CNOT7: variants seen among roughly 807,000 people sequenced by gnomAD.
CNOT7 encodes the protein BTG1-binding factor 1.
In CNOT7, 4 loss-of-function variants were observed where a neutral mutation model predicts 37.1. The observed-to-expected ratio is 0.11, with a 90% CI of 0.05 to 0.25. The LOEUF is 0.25. Ranked by LOEUF, CNOT7 falls within the 10% of genes least tolerant of loss-of-function variation. The probability of loss-of-function intolerance (pLI) is 1.00; values close to 1 mark genes in which losing one functional copy is unlikely to be tolerated. For synonymous variants in CNOT7, 128 were observed against 115.6 expected (o/e 1.11, Z -0.69); for missense variants, 170 against 336.2 (o/e 0.51, Z 3.87).
At position 17,226,112 on chromosome 8, in the gene CNOT7, A is replaced by G. The variant is rs1320662801; in HGVS notation, c.*4608T>C. ...TGCAAGCTAAGACAAAATGAAGGAC[A>G]TTATTTAGGTACTCAAGGAAACTTT... On this transcript the variant is annotated 3_prime_UTR_variant, in exon 7 of 7. Coordinates refer to ENST00000361272, the MANE Select transcript of CNOT7 (RefSeq NM_013354.7). 1.4e-5 allele frequency: 2 copies of G among 142,378 alleles called. No individual in the cohort carries two copies. The highest frequency in any genetic ancestry group is 7.5e-5 in the Admixed American group (1 of 13,290). The allele number at this position is 142,378 out of a possible 1,614,324, so 8.8% of individuals were successfully genotyped here. A position where few individuals can be genotyped will look rare whatever the true frequency, so the allele number is the denominator to read the frequency against.
intron 4 of CNOT7, 71 bp downstream of exon 4, chr8:17,237,141 A>G: frequency 2.7e-6 from 4 of 1,461,596 alleles, no homozygotes; most frequent in Admixed American, 3.6e-5. Context: ...TTGCTAACAT[A>G]GTGACCCAAG....
chr8:17,242,902 C>G (rs972036569), intron 3 of CNOT7, 90 bp downstream of exon 3: 4 of 784,634 alleles, frequency 5.1e-6, no homozygotes, highest in Non-Finnish European at 7.8e-6. Flanking sequence ...CCAAATTCAC[C>G]TAGCATGTCA....
In CNOT7 at chr8:17,228,348, C is replaced by T. The variant is rs773313683; in HGVS notation, c.*2372G>A. The T allele has an allele frequency of 6.6e-6, 1 of 151,842 alleles. No homozygotes were observed. The highest frequency in any genetic ancestry group is 1.5e-5 in the Non-Finnish European group (1 of 67,810). The allele number at this position is 151,842 out of a possible 1,614,324, so 9.4% of individuals were successfully genotyped here. ...TAGACTTTACAAACATTGAGACTGT[C>T]TGGAACAAAATAAAAAAGTAAAACT... On this transcript the variant is annotated 3_prime_UTR_variant, in exon 7 of 7. Coordinates refer to ENST00000361272, the MANE Select transcript of CNOT7 (RefSeq NM_013354.7).
intron 6 of CNOT7, chr8:17,232,212 G>A (rs914432671): frequency 7.2e-7 from 1 of 1,380,464 alleles, no homozygotes; most frequent in African/African-American, 1.5e-5. Flanking sequence ...AAAATTGTTG[G>A]TTCTATGATG....
chr8:17,245,379 G>C (rs1385251260), intron 1 of CNOT7, 132 bp from the exon 2 acceptor site: 1 of 411,186 alleles, frequency 2.4e-6, no homozygotes, highest in Admixed American at 4.4e-5. Context: ...TCAAAGTTTA[G>C]AAAGTAACTT....
chr8:17,237,172 G>C lies in CNOT7; in HGVS notation c.473+40C>G, dbSNP rs761916289. On this transcript the variant is annotated intron_variant, in intron 4 of 6. Transcript: ENST00000361272. ...CCAAGTAAGTGTGGAGCAAGTATGA[G>C]ATGGAAAAACAAATGCCATTTTCAA... is the stretch of plus-strand genomic sequence containing the variant. The C allele has an allele frequency of 8.1e-6, 13 of 1,598,932 alleles. No homozygotes were observed. In the South Asian group the frequency reaches 1.2e-4, roughly 15 times the overall value.
chr8:17,230,243 A>C lies in CNOT7; in HGVS notation c.*477T>G, dbSNP rs1808448942. 1 of 152,546 alleles carries C rather than the reference A, an allele frequency of 6.6e-6. No individual in the cohort carries two copies. The highest frequency in any genetic ancestry group is 2.4e-5 in the African/African-American group (1 of 41,420). 9.4% of individuals were successfully genotyped at this position (152,546 alleles called of 1,614,324 possible). A position where few individuals can be genotyped will look rare whatever the true frequency, so the allele number is the denominator to read the frequency against. On this transcript the variant is annotated 3_prime_UTR_variant, in exon 7 of 7. Transcript: ENST00000361272. ...ATTTTTCCAGCTAAGATCAAGAAAAAACAAATTTTCTGATAAAACAGGTTT... is the reference window on the plus strand; with the variant it reads ...ATTTTTCCAGCTAAGATCAAGAAAACACAAATTTTCTGATAAAACAGGTTT...
intron 4 of CNOT7, among the ~76,000 whole-genome samples, 190 bp from the exon 5 acceptor site, chr8:17,235,050 T>G (rs2150979872): frequency 6.6e-6 from 1 of 152,224 alleles, no homozygotes; most frequent in Non-Finnish European, 1.5e-5. Context: ...CATCTTACAG[T>G]ATTAAGAACT....
intron 3 of CNOT7, chr8:17,237,586 A>G (rs1809549740): frequency 5.8e-6 from 3 of 520,556 alleles, no homozygotes; most frequent in Non-Finnish European, 1.0e-5. Context: ...AATCATTCAG[A>G]GAGTCCAAAG....
intron 3 of CNOT7, 158 bp from the exon 4 acceptor site, chr8:17,237,531 T>A (rs1809541625): frequency 3.4e-6 from 2 of 591,698 alleles, no homozygotes; most frequent in Non-Finnish European, 3.0e-6. Context: ...AAAAATGCAA[T>A]TTAAATACAA....
chr8:17,239,092 C>G (rs1008532754), intron 3 of CNOT7, among the ~76,000 whole-genome samples: 1 of 152,206 alleles, frequency 6.6e-6, no homozygotes, highest in Non-Finnish European at 1.5e-5. Context: ...CAGGGTCTGG[C>G]TGTCATCCAG....
chr8:17,240,429 A>C (rs1335280926), intron 3 of CNOT7, among the ~76,000 whole-genome samples: 1 of 151,920 alleles, frequency 6.6e-6, no homozygotes. Context: ...TTCTTCCTCT[A>C]GTGTGGCCCA....
rs1554472447 is a variant in CNOT7 at position 17,227,543 on chromosome 8, G to GAA, written c.*3176_*3177insTT. ...ACGATGTAATTCAGCATTAGTAAAT[G>GAA]GTTTTCTTTGCTTGGCTAACAAATA... On this transcript the variant is annotated 3_prime_UTR_variant, in exon 7 of 7. Coordinates refer to ENST00000361272, the MANE Select transcript of CNOT7 (RefSeq NM_013354.7). 6.6e-6 allele frequency: 1 copy of GAA among 151,838 alleles called. No homozygotes were observed. The highest frequency in any genetic ancestry group is 1.5e-5 in the Non-Finnish European group (1 of 67,798). 9.4% of individuals were successfully genotyped at this position (151,838 alleles called of 1,614,324 possible).
In CNOT7 at chr8:17,230,512, C is replaced by T; in HGVS notation, c.*208G>A. ...GCTAACAAGTATATTAAATTAAGGC[C>T]AAATTTAACCTGAATGCGTTTTTTT... On this transcript the variant is annotated 3_prime_UTR_variant, in exon 7 of 7. Coordinates refer to ENST00000361272, the MANE Select transcript of CNOT7 (RefSeq NM_013354.7). 2.9e-6 allele frequency: 1 copy of T among 343,452 alleles called. No homozygotes were observed. Among genetic ancestry groups the T allele is most frequent in the South Asian group, 1.3e-4 (1 of 7,534 alleles). 21.3% of individuals were successfully genotyped at this position (343,452 alleles called of 1,614,324 possible). A position where few individuals can be genotyped will look rare whatever the true frequency, so the allele number is the denominator to read the frequency against.
chr8:17,243,661 TAAAC>T, intron 2 of CNOT7: 1 of 456,386 alleles, frequency 2.2e-6, no homozygotes, highest in Non-Finnish European at 4.4e-6. Context: ...TTCTCTGGCT[TAAAC>T]AATATTCTCT....
intron 3 of CNOT7, chr8:17,237,608 A>G (rs1274645259): frequency 1.6e-5 from 7 of 441,814 alleles, no homozygotes; most frequent in Admixed American, 1.4e-4. Context: ...TGCAATTTTA[A>G]TCTTTTTTCT....
At chr8:17,238,940 C>T (rs1809765812) in intron 3 of CNOT7, among the ~76,000 whole-genome samples, 1 of 152,220 alleles carries the variant, frequency 6.6e-6, no homozygotes, top group African/African-American at 2.4e-5. Context: ...CATGCCATTC[C>T]TCAAAGGACT....
Position 17,230,710 on chromosome 8 carries a change from C to T in CNOT7, c.*10G>A, listed in dbSNP as rs758308905. On this transcript the variant is annotated 3_prime_UTR_variant, in exon 7 of 7. Transcript: ENST00000361272. Reference sequence around the variant, plus strand: ...GTAGCTCGAAATAAAAATAAAAGGACTATTTCATGTCATGACTGCTTGTTG... The same window carrying T: ...GTAGCTCGAAATAAAAATAAAAGGATTATTTCATGTCATGACTGCTTGTTG... 7.5e-6 allele frequency: 12 copies of T among 1,590,702 alleles called. No individual in the cohort carries two copies. In the Admixed American group the frequency reaches 1.8e-4, roughly 24 times the overall value.
chr8:17,232,387 C>G, intron 6 of CNOT7, 40 bp downstream of exon 6: 2 of 1,613,360 alleles, frequency 1.2e-6, no homozygotes, highest in Non-Finnish European at 1.7e-6. Context: ...TGTTCTCAAC[C>G]TAACAACCAA....
Sources: gnomAD v4.1 joint callset for allele counts (sites outside exome capture counted in the v4.1 genomes callset) on GRCh38, gnomAD v4.1.1 for gene constraint, MANE v1.5 for transcripts, NCBI Gene and HGNC (gene_info 2026-07-23, HGNC 2026-07-21) for gene names.